Variants in EPB41L4B observed in about 807,000 individuals in gnomAD.
The protein encoded by EPB41L4B is erythrocyte membrane protein band 4.1 like 4B.
Under a neutral mutation model 112.5 loss-of-function variants are expected in EPB41L4B, and 30 were observed. The ratio of observed to expected loss-of-function variants is 0.27; its 90% confidence interval spans 0.20 to 0.36. The LOEUF (loss-of-function observed/expected upper bound fraction) is 0.36, where lower values mean the gene tolerates loss of function less well. EPB41L4B is among the 10% of genes least tolerant of loss of function. EPB41L4B has a pLI of 1.00. For missense variants in EPB41L4B, 1,024 were observed against 1,133.3 expected (o/e 0.90, Z 1.38); for synonymous variants, 408 against 439.7 (o/e 0.93, Z 0.90).
chr9:109,247,719 C>A, intron 14 of EPB41L4B, 37 bp downstream of exon 14: 2 of 1,321,100 alleles, frequency 1.5e-6, no homozygotes, highest in South Asian at 2.1e-5. Flanking sequence ...TTAAAATTTT[C>A]CTTCTTTAAA....
chr9:109,306,364 C>T (rs1361953958), intron 1 of EPB41L4B, among the ~76,000 whole-genome samples: 1 of 152,200 alleles, frequency 6.6e-6, no homozygotes. Context: ...GTAACCCCAG[C>T]ACTTTGGGAG....
chr9:109,176,841 T>C, intron 24 of EPB41L4B, 145 bp from the exon 25 acceptor site: 1 of 903,554 alleles, frequency 1.1e-6, no homozygotes, highest in Non-Finnish European at 1.7e-6. Flanking sequence ...GATTTTACTT[T>C]GTGCCAGACA....
At chr9:109,227,788 G>T (rs1171334148) in intron 15 of EPB41L4B, among the ~76,000 whole-genome samples, 1 of 152,096 alleles carries the variant, frequency 6.6e-6, no homozygotes, top group East Asian at 1.9e-4. Context: ...CACCATGTTG[G>T]CCAGGATGGT....
chr9:109,262,010 T>C lies in EPB41L4B; in HGVS notation c.631+1040A>G, dbSNP rs181977303. Among the ~76,000 whole-genome samples the C allele has an allele frequency of 6.5e-4, 99 of 152,304 alleles. 1 individual carries two copies. Among genetic ancestry groups the C allele is most frequent in the African/African-American group, 2.3e-3 (96 of 41,570 alleles). ...TGATGTACTAATGAAATCCCGGATA[T>C]GCAGTTACACATTAGTATTCTCTTA... On this transcript the variant is annotated intron_variant, in intron 6 of 25. Coordinates refer to ENST00000374566, the MANE Select transcript of EPB41L4B (RefSeq NM_019114.5).
At chr9:109,238,179 G>T (rs1478268206) in intron 15 of EPB41L4B, among the ~76,000 whole-genome samples, 2 of 152,188 alleles carry the variant, frequency 1.3e-5, no homozygotes, top group African/African-American at 4.8e-5. Context: ...GCAAAGCCTA[G>T]CATTAGATGA....
At position 109,247,737 on chromosome 9, in the gene EPB41L4B, T is replaced by C. The variant is rs1588168966; in HGVS notation, c.1344+19A>G. 5.7e-6 allele frequency: 8 copies of C among 1,414,284 alleles called. No homozygotes were observed. The South Asian group carries it at 1.2e-4, about 21-fold the overall frequency. The allele number at this position is 1,414,284 out of a possible 1,614,324, so 87.6% of individuals were successfully genotyped here. ...AAATTTTCCTTCTTTAAAGAAAACC[T>C]TTAAAAGCAGTATCTTACCTGGTAA... On this transcript the variant is annotated intron_variant, in intron 14 of 25. Coordinates refer to ENST00000374566, the MANE Select transcript of EPB41L4B (RefSeq NM_019114.5).
At chr9:109,214,130 G>T (rs1324536198) in intron 16 of EPB41L4B, among the ~76,000 whole-genome samples, 1 of 152,180 alleles carries the variant, frequency 6.6e-6, no homozygotes, top group Non-Finnish European at 1.5e-5. Flanking sequence ...AATATCCAAT[G>T]AAGTCATTTA....
At chr9:109,245,311 T>TAAAGCCAGAGG (rs1834511830) in intron 14 of EPB41L4B, among the ~76,000 whole-genome samples, 1 of 152,200 alleles carries the variant, frequency 6.6e-6, no homozygotes, top group Admixed American at 6.5e-5. Context: ...TCCTCTGGCT[T>TAAAGCCAGAGG]TAAACACAAC....
chr9:109,253,269 G>T (rs1834860578), intron 12 of EPB41L4B, among the ~76,000 whole-genome samples, 172 bp downstream of exon 12: 1 of 152,170 alleles, frequency 6.6e-6, no homozygotes, highest in South Asian at 2.1e-4. Context: ...ACAGAGGGAT[G>T]GCGGAAGTGG....
intron 1 of EPB41L4B, among the ~76,000 whole-genome samples, chr9:109,293,444 A>G (rs990517772): frequency 6.6e-6 from 1 of 151,134 alleles, no homozygotes; most frequent in Non-Finnish European, 1.5e-5. Flanking sequence ...GTGCAATGGC[A>G]TGATCTCAGG....
chr9:109,264,224 G>A (rs1336226119), intron 5 of EPB41L4B, among the ~76,000 whole-genome samples: 2 of 152,286 alleles, frequency 1.3e-5, no homozygotes, highest in Non-Finnish European at 1.5e-5. Flanking sequence ...TCTATGGAGA[G>A]TTTGCAAATT....
rs763835280 is a variant in EPB41L4B, at chr9:109,216,996, T to C, written c.1559A>G (p.Tyr520Cys). 1 of 1,614,166 alleles carries C rather than the reference T, an allele frequency of 6.2e-7. No homozygotes were observed. The highest frequency in any genetic ancestry group is 1.7e-5 in the Admixed American group (1 of 60,016). Residue 520 changes from tyrosine to cysteine, a missense_variant, in exon 16 of 26, where the codon TAC (tyrosine) becomes TGC (cysteine). By Grantham distance (194) the Tyr-to-Cys change is radical. Coordinates refer to ENST00000374566, the MANE Select transcript of EPB41L4B (RefSeq NM_019114.5). ...HQHQHQHHSNYSLSLTLENKE... is the reference protein window; with the variant it reads ...HQHQHQHHSNCSLSLTLENKE... Reference sequence around the variant, plus strand: ...GTTCTCCAGGGTCAGTGAGAGGCTGTAGTTTGAGTGGTGCTGGTGCTGATG... The same window carrying C: ...GTTCTCCAGGGTCAGTGAGAGGCTGCAGTTTGAGTGGTGCTGGTGCTGATG...
chr9:109,257,298 G>GAGGA (rs1010162360), intron 7 of EPB41L4B, among the ~76,000 whole-genome samples: 1 of 152,152 alleles, frequency 6.6e-6, no homozygotes, highest in Non-Finnish European at 1.5e-5. Flanking sequence ...GGATGGGAGG[G>GAGGA]AGGAAAGGTT....
chr9:109,213,040 G>T (rs897398332), intron 17 of EPB41L4B, among the ~76,000 whole-genome samples: 3 of 152,332 alleles, frequency 2.0e-5, no homozygotes, highest in African/African-American at 7.2e-5. Context: ...GAAGGGCCGT[G>T]TGACCTTGAG....
intron 1 of EPB41L4B, among the ~76,000 whole-genome samples, chr9:109,313,539 C>T (rs774336891): frequency 4.6e-5 from 7 of 152,160 alleles, no homozygotes; most frequent in Non-Finnish European, 1.0e-4. Flanking sequence ...CGAGACTGCC[C>T]CATAGCAGCT....
At chr9:109,219,437 T>C (rs1162225392) in intron 15 of EPB41L4B, among the ~76,000 whole-genome samples, 1 of 152,174 alleles carries the variant, frequency 6.6e-6, no homozygotes, top group South Asian at 2.1e-4. Flanking sequence ...CTCAGCTCAC[T>C]GCAAACTCCG....
At chr9:109,206,215 G>A (rs940425677) in intron 18 of EPB41L4B, among the ~76,000 whole-genome samples, 16 of 151,970 alleles carry the variant, frequency 1.1e-4, no homozygotes, top group African/African-American at 3.1e-4. Context: ...ACGGAGTCTC[G>A]CTGTGTTGCC....
intron 1 of EPB41L4B, among the ~76,000 whole-genome samples, chr9:109,318,832 C>T (rs915028819): frequency 1.3e-5 from 2 of 152,116 alleles, no homozygotes; most frequent in Non-Finnish European, 2.9e-5. Context: ...ATGGAGAGCA[C>T]AAAGAACCAC....
At chr9:109,273,747 GT>G (rs1835712247) in intron 2 of EPB41L4B, among the ~76,000 whole-genome samples, 1 of 152,100 alleles carries the variant, frequency 6.6e-6, no homozygotes, top group Non-Finnish European at 1.5e-5. Context: ...CCTAAGCACT[GT>G]CTATGGAAAC....
Sources: gnomAD v4.1 joint callset for allele counts (sites outside exome capture counted in the v4.1 genomes callset) on GRCh38, gnomAD v4.1.1 for gene constraint, MANE v1.5 for transcripts, NCBI Gene and HGNC (gene_info 2026-07-23, HGNC 2026-07-21) for gene names.